SLC39A12: variants seen among roughly 807,000 people sequenced by gnomAD.
SLC39A12 encodes the protein solute carrier family 39 member 12.
Under a neutral mutation model 71.1 loss-of-function variants are expected in SLC39A12, and 63 were observed. The ratio of observed to expected loss-of-function variants is 0.89; its 90% confidence interval spans 0.72 to 1.09. The LOEUF (loss-of-function observed/expected upper bound fraction) is 1.09. Among genes scored for constraint, SLC39A12 ranks in the 50% least tolerant of loss-of-function variants. The pLI is 0.00. For missense variants in SLC39A12, 892 were observed against 812.6 expected, an observed-to-expected ratio of 1.10 and a Z score of -1.19; for synonymous variants, 351 against 301.3, an observed-to-expected ratio of 1.16 and a Z score of -1.71.
chr10:17,989,562 G>A (rs188739134), intron 7 of SLC39A12, among the ~76,000 whole-genome samples: 4 of 152,178 alleles, frequency 2.6e-5, no homozygotes, highest in Admixed American at 1.3e-4. Context: ...ATGTTACAGA[G>A]GAGAACTTCA....
chr10:17,963,383 A>G (rs1354651625), intron 3 of SLC39A12, among the ~76,000 whole-genome samples: 3 of 152,196 alleles, frequency 2.0e-5, no homozygotes, highest in African/African-American at 7.2e-5. Flanking sequence ...TGTGGTGTGT[A>G]TTTCCAGGTT....
intron 12 of SLC39A12, among the ~76,000 whole-genome samples, chr10:18,010,733 TAC>T (rs1454627800): frequency 3.3e-5 from 5 of 152,174 alleles, no homozygotes. Context: ...TCTCAGATCA[TAC>T]ACACACATAC....
At chr10:18,008,046 TTGATCCAC>T (rs1310284989) in intron 12 of SLC39A12, among the ~76,000 whole-genome samples, 1 of 152,214 alleles carries the variant, frequency 6.6e-6, no homozygotes, top group Non-Finnish European at 1.5e-5. Context: ...TCACTGTTGG[TTGATCCAC>T]TAATATAGGG....
intron 12 of SLC39A12, 42 bp downstream of exon 12, chr10:18,003,400 A>C (rs528021263): frequency 8.4e-6 from 13 of 1,548,460 alleles, no homozygotes; most frequent in Middle Eastern, 1.7e-4. Flanking sequence ...CTAAGCACTG[A>C]AAATGTAAAA....
intron 12 of SLC39A12, among the ~76,000 whole-genome samples, chr10:18,016,403 T>G (rs1016381541): frequency 6.6e-6 from 1 of 152,210 alleles, no homozygotes; most frequent in Non-Finnish European, 1.5e-5. Flanking sequence ...GAATAATATT[T>G]CACTGTCTGG....
In SLC39A12 at chr10:17,992,193, A is replaced by C. The variant is rs1163885826; in HGVS notation, c.1422+890A>C. ...ATTCTGTTTTATGAATCAAAAAATA[A>C]AATGAATTTATGGATGGATAGAGGG... On this transcript the variant is annotated intron_variant, in intron 8 of 12. Coordinates refer to ENST00000377369, the MANE Select transcript of SLC39A12 (RefSeq NM_001145195.2). Among the ~76,000 whole-genome samples the C allele has an allele frequency of 2.6e-5, 4 of 152,140 alleles. No homozygotes were observed. The East Asian group carries it at 7.7e-4, about 29-fold the overall frequency.
At chr10:17,969,039 A>G (rs980964059) in intron 4 of SLC39A12, among the ~76,000 whole-genome samples, 1 of 152,140 alleles carries the variant, frequency 6.6e-6, no homozygotes, top group Non-Finnish European at 1.5e-5. Context: ...AGAATATGCA[A>G]TGTTTGTCTT....
intron 4 of SLC39A12, among the ~76,000 whole-genome samples, chr10:17,973,210 T>A (rs1835020186): frequency 6.6e-6 from 1 of 152,042 alleles, no homozygotes; most frequent in Non-Finnish European, 1.5e-5. Flanking sequence ...TCTTGAAGAG[T>A]TGTTGTAGTT....
chr10:18,021,807 G>C (rs1297572416), intron 12 of SLC39A12, among the ~76,000 whole-genome samples: 2 of 152,140 alleles, frequency 1.3e-5, no homozygotes, highest in African/African-American at 4.8e-5. Context: ...TTGGAAGTCA[G>C]GTCTGGTGGT....
chr10:18,040,769 CA>C (rs34842202), intron 12 of SLC39A12, among the ~76,000 whole-genome samples: 3,904 of 94,600 alleles, frequency 0.041, 66 homozygotes, highest in South Asian at 0.051. Flanking sequence ...AACTCCATCT[CA>C]AAAAAAAAAA....
chr10:18,008,182 G>A (rs958737188), intron 12 of SLC39A12, among the ~76,000 whole-genome samples: 1 of 152,194 alleles, frequency 6.6e-6, no homozygotes, highest in African/African-American at 2.4e-5. Flanking sequence ...TGAGCGGCAG[G>A]TGAGCAAGCG....
chr10:17,990,558 G>C (rs1483408699), intron 7 of SLC39A12, among the ~76,000 whole-genome samples: 1 of 152,076 alleles, frequency 6.6e-6, no homozygotes, highest in Non-Finnish European at 1.5e-5. Context: ...CAACCAATGG[G>C]ATGAGTCAGT....
chr10:17,991,157 G>C lies in SLC39A12; in HGVS notation c.1276G>C (p.Gly426Arg). 2.8e-6 allele frequency: 4 copies of C among 1,447,806 alleles called. No homozygotes were observed. The highest frequency in any genetic ancestry group is 3.6e-6 in the Non-Finnish European group (4 of 1,099,208). The allele number at this position is 1,447,806 out of a possible 1,614,324, so 89.7% of individuals were successfully genotyped here. Reference protein sequence around the residue: ...ALLHLIPQVLGLHKQEAPEFG... With the variant: ...ALLHLIPQVLRLHKQEAPEFG... ...TTTTTTTTTTCCCCTGAAGGTTCTT[G>C]GTTTACATAAGCAGGAAGCCCCAGA... is the stretch of plus-strand genomic sequence containing the variant. Residue 426 changes from glycine (G) to arginine (R), a missense_variant, in exon 8 of 13, where the codon GGT becomes CGT. Physicochemically the swap from Gly to Arg is moderately radical, Grantham distance 125 (BLOSUM62 -2). Coordinates refer to ENST00000377369, the MANE Select transcript of SLC39A12 (RefSeq NM_001145195.2).
chr10:17,966,133 C>T (rs1246881116), intron 4 of SLC39A12, among the ~76,000 whole-genome samples: 1 of 152,186 alleles, frequency 6.6e-6, no homozygotes, highest in East Asian at 1.9e-4. Flanking sequence ...GTGAAATAGC[C>T]ATCCTTGCTG....
chr10:17,984,840 C>G (rs1350136033), intron 6 of SLC39A12, among the ~76,000 whole-genome samples: 1 of 152,214 alleles, frequency 6.6e-6, no homozygotes, highest in African/African-American at 2.4e-5. Context: ...CTCTTCATTT[C>G]ACCTTGCTTG....
chr10:17,960,456 A>G (rs1589218778), intron 2 of SLC39A12, among the ~76,000 whole-genome samples: 1 of 152,174 alleles, frequency 6.6e-6, no homozygotes, highest in South Asian at 2.1e-4. Context: ...CAACAAAATC[A>G]TTTTTGGCAA....
chr10:18,003,089 G>C, intron 11 of SLC39A12, 82 bp from the exon 12 acceptor site: 1 of 1,308,176 alleles, frequency 7.6e-7, no homozygotes. Flanking sequence ...GCTGACATTC[G>C]AAATAGCTAA....
intron 10 of SLC39A12, 54 bp downstream of exon 10, chr10:17,995,776 G>A: frequency 6.8e-7 from 1 of 1,468,040 alleles, no homozygotes; most frequent in Non-Finnish European, 9.4e-7. Flanking sequence ...AAACAGTTAT[G>A]TCTGTTTTAA....
chr10:17,984,975 G>A (rs1455185341), intron 6 of SLC39A12, among the ~76,000 whole-genome samples: 1 of 151,992 alleles, frequency 6.6e-6, no homozygotes, highest in African/African-American at 2.4e-5. Context: ...TAAACCCCTG[G>A]GTAATTTAGA....
Sources: gnomAD v4.1 joint callset for allele counts (sites outside exome capture counted in the v4.1 genomes callset) on GRCh38, gnomAD v4.1.1 for gene constraint, MANE v1.5 for transcripts, NCBI Gene and HGNC (gene_info 2026-07-23, HGNC 2026-07-21) for gene names.